Variants in AIFM2 observed in about 807,000 individuals in gnomAD.
AIFM2 encodes AIF family member 2, ferroptosis suppressor, also known as ferroptosis suppressor protein 1.
AIFM2 carries 38 observed loss-of-function variants against 35.7 expected under a neutral mutation model. The ratio of observed to expected loss-of-function variants is 1.06; its 90% CI spans 0.82 to 1.39. AIFM2 has a LOEUF of 1.39. Ranked by LOEUF, AIFM2 falls within the 40% of genes most tolerant of loss-of-function variation. AIFM2 has a pLI of 0.00. For missense variants in AIFM2, 476 were observed against 491.2 expected, an observed-to-expected ratio of 0.97 and a Z score of 0.29; for synonymous variants, 185 against 203.5, an observed-to-expected ratio of 0.91 and a Z score of 0.77.
Position 70,123,925 on chromosome 10 carries a change from G to A in AIFM2, c.160C>T (p.Arg54Ter), listed in dbSNP as rs142042538. The stretch of plus-strand genomic sequence containing the variant: ...ACATTACCTGTCTCCACGGAGGCTC[G>A]GAGAGCAGCCACATTGTGGTGGAAG... Reference protein sequence around the residue: ...DSFHHNVAALRASVETGFAKK... With the variant: ...DSFHHNVAAL Residue 54 changes from arginine (R) to a stop codon, truncating the protein, a stop_gained, in exon 2 of 9, where the codon CGA becomes TGA. Coordinates refer to ENST00000307864, the MANE Select transcript of AIFM2 (RefSeq NM_032797.6). LOFTEE classifies it high-confidence loss of function. 144 of 1,591,770 alleles carry A rather than the reference G, an allele frequency of 9.0e-5. No individual in the cohort carries two copies. The highest frequency in any genetic ancestry group is 2.7e-5 in the African/African-American group (2 of 74,350).
intron 1 of AIFM2, among the ~76,000 whole-genome samples, chr10:70,124,602 G>C (rs556447071): frequency 2.6e-5 from 4 of 152,272 alleles, no homozygotes; most frequent in Non-Finnish European, 5.9e-5. Context: ...AGGCAGATAT[G>C]GTCCCTGCCC....
intron 8 of AIFM2, 78 bp downstream of exon 8, chr10:70,114,842 T>C: frequency 1.3e-6 from 2 of 1,490,700 alleles, no homozygotes; most frequent in Non-Finnish European, 1.8e-6. Context: ...TGGCCAGGTA[T>C]GGGATAGCCC....
chr10:70,114,296 T>C lies in AIFM2; in HGVS notation c.1004A>G (p.Asn335Ser). 6.2e-7 allele frequency: 1 copy of C among 1,613,778 alleles called. No individual in the cohort carries two copies. Among genetic ancestry groups the C allele is most frequent in the Non-Finnish European group, 8.5e-7 (1 of 1,179,970 alleles). ...ALTFLLSMGR[N>S]DGVGQISGFY... ...GCCACTGATTTGGCCCACACCGTCA[T>C]TTCTCCCCATGGACAGGAGGAACGT... The change falls in exon 9 of 9, where the codon AAT becomes AGT. Residue 335 changes from asparagine to serine, a missense_variant. By Grantham distance (46) the Asn-to-Ser change is conservative. Coordinates refer to ENST00000307864, the MANE Select transcript of AIFM2 (RefSeq NM_032797.6).
chr10:70,123,944 G>A lies in AIFM2; in HGVS notation c.141C>T (p.His47=), dbSNP rs2072538156. 1.2e-6 allele frequency: 2 copies of A among 1,607,648 alleles called. No homozygotes were observed. Among genetic ancestry groups the A allele is most frequent in the Non-Finnish European group, 1.7e-6 (2 of 1,175,682 alleles). The change falls in exon 2 of 9, where the codon CAC becomes CAT. Residue 47 remains histidine, a synonymous_variant. Transcript: ENST00000307864. Reference sequence around the variant, plus strand: ...AGGCTCGGAGAGCAGCCACATTGTGGTGGAAGGAGTCCTTCATGTCCACCA... The same window carrying A: ...AGGCTCGGAGAGCAGCCACATTGTGATGGAAGGAGTCCTTCATGTCCACCA... ...FMLVDMKDSF[H]HNVAALRASV... is the part of the protein sequence containing the mutation.
chr10:70,127,026 A>G (rs1291311102), intron 1 of AIFM2, among the ~76,000 whole-genome samples: 1 of 152,198 alleles, frequency 6.6e-6, no homozygotes, highest in Non-Finnish European at 1.5e-5. Flanking sequence ...CTGGGCCAGA[A>G]GGGAATGTCT....
rs556122563 is a variant in AIFM2, at chr10:70,115,070, C to G, written c.820G>C (p.Val274Leu). The change falls in exon 8 of 9, where the codon GTG becomes CTG. Residue 274 changes from valine to leucine, a missense_variant. Transcript: ENST00000307864. ...GCGTAGACGTTGCTGTGGCCCTCCACCTGGAGGTGCTCGTTCACTCTCAGA... is the reference window on the plus strand; with the variant it reads ...GCGTAGACGTTGCTGTGGCCCTCCAGCTGGAGGTGCTCGTTCACTCTCAGA... ...GALRVNEHLQ[V>L]EGHSNVYAIG... The G allele has an allele frequency of 1.2e-6, 2 of 1,614,164 alleles. No homozygotes were observed. Among genetic ancestry groups the G allele is most frequent in the Non-Finnish European group, 1.7e-6 (2 of 1,180,014 alleles).
At chr10:70,130,566 A>G (rs948258739) in intron 1 of AIFM2, among the ~76,000 whole-genome samples, 2 of 152,228 alleles carry the variant, frequency 1.3e-5, no homozygotes, top group Admixed American at 1.3e-4. Flanking sequence ...TTATCCACTC[A>G]TCAGCTGACG....
At chr10:70,123,359 C>T in intron 3 of AIFM2, 46 bp downstream of exon 3, 2 of 1,538,136 alleles carry the variant, frequency 1.3e-6, no homozygotes, top group Non-Finnish European at 1.8e-6. Flanking sequence ...CCAGGCCCTG[C>T]AGAGGGCCCT....
Position 70,121,154 on chromosome 10 carries a change from T to C in AIFM2, c.352A>G (p.Lys118Glu), listed in dbSNP as rs757495333. 1.0e-5 allele frequency: 16 copies of C among 1,582,322 alleles called. No homozygotes were observed. The highest frequency in any genetic ancestry group is 1.4e-5 in the Non-Finnish European group (16 of 1,164,702). The change falls in exon 4 of 9, where the codon AAG (lysine) becomes GAG (glutamate). Residue 118 changes from lysine to glutamate, a missense_variant. Physicochemically the swap from Lys to Glu is moderately conservative, Grantham distance 56. Coordinates refer to ENST00000307864, the MANE Select transcript of AIFM2 (RefSeq NM_032797.6). ...TGCTGGCTGGAAACCTCATTAAACT[T>C]GCCCGGGAAGGGCCCAGTGCTGCCC... Reference protein sequence around the residue: ...ATGSTGPFPGKFNEVSSQQAA... With the variant: ...ATGSTGPFPGEFNEVSSQQAA...
intron 1 of AIFM2, among the ~76,000 whole-genome samples, chr10:70,125,685 G>A (rs1056204935): frequency 1.3e-5 from 2 of 151,832 alleles, no homozygotes; most frequent in Admixed American, 1.3e-4. Context: ...TGCCCAGGCT[G>A]GTCTCAAACT....
intron 4 of AIFM2, 57 bp downstream of exon 4, chr10:70,121,035 C>A (rs73273531): frequency 1.3e-6 from 2 of 1,583,278 alleles, no homozygotes; most frequent in African/African-American, 1.4e-5. Context: ...CCTAGGCATC[C>A]CCAAGGCTGT....
intron 3 of AIFM2, among the ~76,000 whole-genome samples, chr10:70,121,833 T>C (rs2072511087): frequency 6.9e-6 from 1 of 144,528 alleles, no homozygotes; most frequent in Non-Finnish European, 1.5e-5. Flanking sequence ...GGCTCACACC[T>C]GTAATCCCAG....
At chr10:70,119,538 A>G (rs182359065) in intron 5 of AIFM2, among the ~76,000 whole-genome samples, 131 of 152,346 alleles carry the variant, frequency 8.6e-4, no homozygotes, top group Admixed American at 1.8e-3. Flanking sequence ...CTTATCCCAG[A>G]AGTGTGGAGT....
In AIFM2 at chr10:70,114,122, C is replaced by T. The variant is rs185482929; in HGVS notation, c.*56G>A. ...TAGCACTTGCCAGGCGGGTGCCATG[C>T]GCCAAGCAGTCCGTACGCCCACCTG... On this transcript the variant is annotated 3_prime_UTR_variant, in exon 9 of 9. Coordinates refer to ENST00000307864, the MANE Select transcript of AIFM2 (RefSeq NM_032797.6). The T allele has an allele frequency of 3.1e-5, 48 of 1,560,648 alleles. No individual in the cohort carries two copies. In the South Asian group the frequency reaches 3.9e-4, roughly 13 times the overall value.
chr10:70,121,855 A>T (rs994574918), intron 3 of AIFM2, among the ~76,000 whole-genome samples: 1 of 151,084 alleles, frequency 6.6e-6, no homozygotes, highest in Non-Finnish European at 1.5e-5. Flanking sequence ...ACTTTGGGAG[A>T]CCAAGGCGGG....
chr10:70,115,593 C>T (rs1228646276), intron 7 of AIFM2, among the ~76,000 whole-genome samples: 1 of 152,134 alleles, frequency 6.6e-6, no homozygotes, highest in Non-Finnish European at 1.5e-5. Context: ...ATGGTGAAAC[C>T]CATCTCTACT....
rs764990295 is a variant in AIFM2 at position 70,120,639 on chromosome 10, C to T, written c.415-40G>A. On this transcript the variant is annotated intron_variant, in intron 4 of 8. Transcript: ENST00000307864. ...ATGTGAAACAGGGACATATGAAACA[C>T]ACCTACACATCCACCTCTGTCTGCT... The T allele has an allele frequency of 5.0e-6, 8 of 1,602,578 alleles. No individual in the cohort carries two copies. In the Admixed American group the frequency reaches 1.3e-4, roughly 27 times the overall value.
rs375200470 is a variant in AIFM2 at position 70,114,987 on chromosome 10, G to A, written c.903C>T (p.His301=). The A allele has an allele frequency of 2.7e-5, 44 of 1,614,074 alleles. 1 individual carries two copies. The East Asian group carries it at 3.1e-4, about 11-fold the overall frequency. ...CGATGTTGGCCACGGCGATGTTGGCGTGGAGGCCGGCAAGATAGGCCATCT... is the reference window on the plus strand; with the variant it reads ...CGATGTTGGCCACGGCGATGTTGGCATGGAGGCCGGCAAGATAGGCCATCT... ...TPKMAYLAGL[H]ANIAVANIVN... The change falls in exon 8 of 9, where the codon CAC becomes CAT. Residue 301 remains histidine (H), a synonymous_variant. Coordinates refer to ENST00000307864, the MANE Select transcript of AIFM2 (RefSeq NM_032797.6).
At chr10:70,122,646 T>G (rs1447663259) in intron 3 of AIFM2, among the ~76,000 whole-genome samples, 1 of 152,210 alleles carries the variant, frequency 6.6e-6, no homozygotes, top group Non-Finnish European at 1.5e-5. Flanking sequence ...TGCGTGTGCC[T>G]TTTTGTTCTA....
Sources: allele counts gnomAD v4.1 joint callset (sites outside exome capture counted in the v4.1 genomes callset), GRCh38; gene constraint gnomAD v4.1.1; transcripts MANE v1.5; gene names NCBI Gene and HGNC (gene_info 2026-07-23, HGNC 2026-07-21).